The following MROH9 variants were observed in gnomAD, a reference collection of about 807,000 sequenced individuals.
The protein encoded by MROH9 is maestro heat-like repeat-containing protein family member 9.
In MROH9, 92 loss-of-function variants were observed where a neutral mutation model predicts 98.2. That is an observed-to-expected ratio of 0.94 (90% CI 0.79 to 1.11). The LOEUF (loss-of-function observed/expected upper bound fraction) is 1.11, where lower values mean the gene tolerates loss of function less well. Among genes scored for constraint, MROH9 ranks in the 50% most tolerant of loss-of-function variants. The pLI, the probability that MROH9 is intolerant of heterozygous loss-of-function variation, is 0.00. For missense variants in MROH9, 1,057 were observed against 1,014.8 expected (o/e 1.04, Z -0.57); for synonymous variants, 397 against 368.9 (o/e 1.08, Z -0.87).
chr1:170,937,335 A>G (rs1195620827), intron 1 of MROH9, among the ~76,000 whole-genome samples: 1 of 152,232 alleles, frequency 6.6e-6, no homozygotes, highest in Non-Finnish European at 1.5e-5. Context: ...CATTAACAAT[A>G]CTTAAATACT....
chr1:170,983,480 T>C lies in MROH9; in HGVS notation c.675T>C (p.Ser225=), dbSNP rs1031364738. The change falls in exon 9 of 22, where the codon TCT becomes TCC. Residue 225 remains serine (S), a synonymous_variant. Coordinates refer to ENST00000367759, the MANE Select transcript of MROH9 (RefSeq NM_001163629.2). ...GKSHSLQFPS[S]DVEFLPKEFQ... is the part of the protein sequence containing the mutation. Reference sequence around the variant, plus strand: ...GTCATAGCCTCCAGTTTCCTTCTTCTGATGTAGAATTTCTACCCAAGGAGT... The same window carrying C: ...GTCATAGCCTCCAGTTTCCTTCTTCCGATGTAGAATTTCTACCCAAGGAGT... 6.2e-7 allele frequency: 1 copy of C among 1,613,408 alleles called. No homozygotes were observed. Among genetic ancestry groups the C allele is most frequent in the Non-Finnish European group, 8.5e-7 (1 of 1,179,614 alleles).
At chr1:170,977,052 T>A (rs566591053) in intron 8 of MROH9, among the ~76,000 whole-genome samples, 1 of 152,324 alleles carries the variant, frequency 6.6e-6, no homozygotes, top group Non-Finnish European at 1.5e-5. Context: ...GCATTTGCAT[T>A]TTGAAATTCT....
rs1469128541 is a variant in MROH9 at position 171,024,737 on chromosome 1, T to A, written c.2150T>A (p.Met717Lys). The change falls in exon 19 of 22, where the codon ATG becomes AAG. Residue 717 changes from methionine to lysine, a missense_variant. Met to Lys is a moderately conservative substitution (Grantham distance 95). Transcript: ENST00000367759. ...LLKDENYSFE[M>K]VVLNICNNLI... ...AAAGATGAAAATTACAGTTTTGAGA[T>A]GGTGGTGCTCAATATCTGTAACAAT... The A allele has an allele frequency of 6.5e-7, 1 of 1,549,672 alleles. No individual in the cohort carries two copies. The highest frequency in any genetic ancestry group is 2.0e-5 in the Admixed American group (1 of 50,980).
At chr1:171,026,607 T>C (rs1245568404) in intron 20 of MROH9, among the ~76,000 whole-genome samples, 1 of 152,178 alleles carries the variant, frequency 6.6e-6, no homozygotes, top group East Asian at 1.9e-4. Flanking sequence ...AAATAATCCC[T>C]GCTATCCTGA....
rs546059841 is a variant in MROH9, at chr1:170,988,213, G to A, written c.879+1503G>A. On this transcript the variant is annotated intron_variant, in intron 10 of 21. Coordinates refer to ENST00000367759, the MANE Select transcript of MROH9 (RefSeq NM_001163629.2). ...ACAGGCCCATGAAACCAGTCCTGATGGTGACATGAGGAATGAACCTCCAGT... is the reference window on the plus strand; with the variant it reads ...ACAGGCCCATGAAACCAGTCCTGATAGTGACATGAGGAATGAACCTCCAGT... Among the ~76,000 whole-genome samples, 3 of 152,292 alleles carry A rather than the reference G, an allele frequency of 2.0e-5. No homozygotes were observed. The South Asian group carries it at 6.2e-4, about 32-fold the overall frequency.
intron 20 of MROH9, among the ~76,000 whole-genome samples, chr1:171,061,283 G>T (rs1654006572): frequency 6.6e-6 from 1 of 152,124 alleles, no homozygotes; most frequent in African/African-American, 2.4e-5. Context: ...AGTGAAAATT[G>T]GTACAGCCAC....
chr1:171,029,247 G>C (rs189762789), intron 20 of MROH9, among the ~76,000 whole-genome samples: 1 of 151,392 alleles, frequency 6.6e-6, no homozygotes, highest in South Asian at 2.1e-4. Flanking sequence ...GAGTCTGCTC[G>C]TTGCCCAGGC....
chr1:170,959,527 T>A lies in MROH9; in HGVS notation c.218T>A (p.Leu73Gln), dbSNP rs1441152913. The A allele has an allele frequency of 6.2e-7, 1 of 1,613,526 alleles. No homozygotes were observed. Among genetic ancestry groups the A allele is most frequent in the East Asian group, 2.2e-5 (1 of 44,876 alleles). ...ATAATAGAGTCATCCTTTGGAATGCTAGTTGTCATGCCAAGTCTTGACAAA... is the reference window on the plus strand; with the variant it reads ...ATAATAGAGTCATCCTTTGGAATGCAAGTTGTCATGCCAAGTCTTGACAAA... ...LKIIESSFGMLVVMPSLDKVK... is the reference protein window; with the variant it reads ...LKIIESSFGMQVVMPSLDKVK... The change falls in exon 5 of 22, where the codon CTA becomes CAA. Residue 73 changes from leucine to glutamine, a missense_variant. Coordinates refer to ENST00000367759, the MANE Select transcript of MROH9 (RefSeq NM_001163629.2).
At chr1:170,944,930 A>G (rs9426910) in intron 1 of MROH9, among the ~76,000 whole-genome samples, 92,396 of 151,740 alleles carry the variant, frequency 0.61, 28,670 homozygotes, top group African/African-American at 0.71. Context: ...ATATAACGTG[A>G]AAGAAGGAAC....
chr1:171,033,641 A>C (rs1653002154), intron 20 of MROH9, among the ~76,000 whole-genome samples: 1 of 152,132 alleles, frequency 6.6e-6, no homozygotes, highest in Non-Finnish European at 1.5e-5. Context: ...AAGGATTCAC[A>C]TGCTTATTAT....
chr1:170,950,541 T>G (rs1448360549), intron 3 of MROH9, among the ~76,000 whole-genome samples: 4 of 152,074 alleles, frequency 2.6e-5, no homozygotes, highest in Non-Finnish European at 5.9e-5. Context: ...CATATTCTAT[T>G]GCTAGGAGAA....
At chr1:170,998,980 A>G (rs1651689997) in intron 15 of MROH9, among the ~76,000 whole-genome samples, 1 of 152,144 alleles carries the variant, frequency 6.6e-6, no homozygotes, top group African/African-American at 2.4e-5. Flanking sequence ...AACTTTCAAA[A>G]GTATACATAA....
intron 11 of MROH9, among the ~76,000 whole-genome samples, chr1:170,990,904 CTT>C (rs1469912372): frequency 6.6e-6 from 1 of 152,010 alleles, no homozygotes; most frequent in African/African-American, 2.4e-5. Flanking sequence ...AATCACATAA[CTT>C]TATTTTTCAG....
At position 170,998,221 on chromosome 1, in the gene MROH9, G is replaced by A; in HGVS notation, c.1543G>A (p.Glu515Lys). The stretch of plus-strand genomic sequence containing the variant: ...GAGTTATCTCTATAAGCTCTCAGTA[G>A]AAGGTCCTAGAAGGTCAGAAGACAC... The part of the protein sequence containing the change: ...TLSYLYKLSV[E>K]GPRRSEDTVI... Residue 515 changes from glutamate (E) to lysine (K), a missense_variant, in exon 15 of 22, where the codon GAA (glutamate) becomes AAA (lysine). Coordinates refer to ENST00000367759, the MANE Select transcript of MROH9 (RefSeq NM_001163629.2). 6.2e-7 allele frequency: 1 copy of A among 1,613,112 alleles called. No individual in the cohort carries two copies. The highest frequency in any genetic ancestry group is 8.5e-7 in the Non-Finnish European group (1 of 1,179,382).
At chr1:171,056,038 AC>A (rs1653828719) in intron 20 of MROH9, among the ~76,000 whole-genome samples, 1 of 152,188 alleles carries the variant, frequency 6.6e-6, no homozygotes, top group South Asian at 2.1e-4. Flanking sequence ...AACCCACACC[AC>A]CGGGGCCTAG....
intron 2 of MROH9, among the ~76,000 whole-genome samples, chr1:170,946,870 TA>T (rs1422421400): frequency 6.6e-6 from 1 of 152,000 alleles, no homozygotes; most frequent in African/African-American, 2.4e-5. Context: ...TTGATAACAT[TA>T]AAAAATTTAA....
At chr1:171,025,933 C>T (rs989546020) in intron 20 of MROH9, among the ~76,000 whole-genome samples, 3 of 152,288 alleles carry the variant, frequency 2.0e-5, no homozygotes, top group African/African-American at 7.2e-5. Context: ...TCTGTACTAG[C>T]TCTCACTGTG....
intron 15 of MROH9, among the ~76,000 whole-genome samples, chr1:170,999,313 C>G (rs893548148): frequency 1.3e-5 from 2 of 152,008 alleles, no homozygotes; most frequent in Non-Finnish European, 2.9e-5. Flanking sequence ...TCCCTCAGCT[C>G]TCTCCCACTC....
chr1:170,953,728 G>GAAAGAAAAGA (rs3980711), intron 3 of MROH9, among the ~76,000 whole-genome samples: 4,143 of 141,928 alleles, frequency 0.029, 105 homozygotes, highest in African/African-American at 0.07. Context: ...GTAGATTAGG[G>GAAAGAAAAGA]AAAGAAAAGA....
Sources: gnomAD v4.1 joint callset for allele counts (sites outside exome capture counted in the v4.1 genomes callset) on GRCh38, gnomAD v4.1.1 for gene constraint, MANE v1.5 for transcripts, NCBI Gene and HGNC (gene_info 2026-07-23, HGNC 2026-07-21) for gene names.